The following CFAP20DC variants were observed in gnomAD, a reference collection of about 807,000 sequenced individuals.
The protein encoded by CFAP20DC is protein CFAP20DC.
CFAP20DC carries 84 observed loss-of-function variants against 101.7 expected under a neutral mutation model. That is an observed-to-expected ratio of 0.83 (90% CI 0.69 to 0.99). The LOEUF is 0.99. CFAP20DC is among the 50% of genes least tolerant of loss of function. CFAP20DC has a pLI of 0.00. For missense variants in CFAP20DC, 1,007 were observed against 970.3 expected (o/e 1.04, Z -0.50); for synonymous variants, 359 against 351.2 (o/e 1.02, Z -0.25).
At chr3:58,830,235 T>G (rs1416869563) in intron 14 of CFAP20DC, among the ~76,000 whole-genome samples, 3 of 152,132 alleles carry the variant, frequency 2.0e-5, no homozygotes, top group Non-Finnish European at 4.4e-5. Context: ...GGAATTCTTC[T>G]CCATGAAGAC....
chr3:58,751,868 A>ACACACAC (rs1559541321), intron 16 of CFAP20DC, among the ~76,000 whole-genome samples: 13 of 125,564 alleles, frequency 1.0e-4, no homozygotes, highest in African/African-American at 4.5e-4. Flanking sequence ...CACACACACA[A>ACACACAC]AATTTCCTCC....
chr3:58,720,162 T>A (rs886698404), intron 3 of CFAP20DC, among the ~76,000 whole-genome samples: 1 of 152,222 alleles, frequency 6.6e-6, no homozygotes, highest in African/African-American at 2.4e-5. Flanking sequence ...CACGTGTTTA[T>A]TGGATTCCCC....
At position 58,953,023 on chromosome 3, in the gene CFAP20DC, A is replaced by C. The variant is rs1474677292; in HGVS notation, c.279-15261T>G. Among the ~76,000 whole-genome samples the C allele has an allele frequency of 4.6e-5, 7 of 152,184 alleles. No homozygotes were observed. The South Asian group carries it at 6.2e-4, about 13-fold the overall frequency. ...GTCCACATATAGTATGTCAATTCCC[A>C]ATAAGGACTATGGAATAAAAATAAA... On this transcript the variant is annotated intron_variant, in intron 4 of 16. Coordinates refer to ENST00000482387, the MANE Select transcript of CFAP20DC (RefSeq NM_001394063.1).
At chr3:59,023,032 C>T (rs1021168905) in intron 4 of CFAP20DC, among the ~76,000 whole-genome samples, 1 of 152,098 alleles carries the variant, frequency 6.6e-6, no homozygotes, top group African/African-American at 2.4e-5. Context: ...AAATGCACTT[C>T]ATACATGGCA....
Position 58,914,663 on chromosome 3 carries a change from G to T in CFAP20DC, c.394-799C>A, listed in dbSNP as rs2084489418. Among the ~76,000 whole-genome samples the T allele has an allele frequency of 1.3e-5, 2 of 149,074 alleles. No individual in the cohort carries two copies. The highest frequency in any genetic ancestry group is 1.9e-4 in the East Asian group (1 of 5,134). On this transcript the variant is annotated intron_variant, in intron 5 of 16. Coordinates refer to ENST00000482387, the MANE Select transcript of CFAP20DC (RefSeq NM_001394063.1). The surrounding 1 kb of genome is among the most constrained non-coding windows in gnomAD (Gnocchi z 4.9). ...TGTTTAGAAGCAAGGTTTACATAAG[G>T]TCCTGTATATATAAATATATATATA...
At chr3:58,893,281 C>T (rs2082401270) in intron 6 of CFAP20DC, among the ~76,000 whole-genome samples, 1 of 152,072 alleles carries the variant, frequency 6.6e-6, no homozygotes, top group South Asian at 2.1e-4. Context: ...CCTGACCTCG[C>T]AATCTGCCTG....
chr3:58,783,998 C>A (rs1303108895), intron 15 of CFAP20DC, among the ~76,000 whole-genome samples: 2 of 151,760 alleles, frequency 1.3e-5, no homozygotes, highest in African/African-American at 4.8e-5. Flanking sequence ...ACCCTTGCCT[C>A]CTTCCCTCCC....
chr3:58,893,116 T>C (rs1041665857), intron 6 of CFAP20DC, among the ~76,000 whole-genome samples: 1 of 151,022 alleles, frequency 6.6e-6, no homozygotes, highest in Non-Finnish European at 1.5e-5. Flanking sequence ...CAATCTCAGC[T>C]CACTGCAATC....
chr3:58,820,502 GACAA>G lies in CFAP20DC; in HGVS notation c.2175+11180_2175+11183del, dbSNP rs1225991576. 3.3e-5 allele frequency among the ~76,000 whole-genome samples: 5 copies of G among 150,228 alleles called. No individual in the cohort carries two copies. In the South Asian group the frequency reaches 6.3e-4, roughly 19 times the overall value. On this transcript the variant is annotated intron_variant, in intron 14 of 16. Transcript: ENST00000482387. ...CAAGCATTCTGATACACCAACAACA[GACAA>G]ACAGAGAGCCAAATCATGAGTGAAC... is the stretch of plus-strand genomic sequence containing the variant.
Position 59,014,520 on chromosome 3 carries a change from A to T in CFAP20DC, c.278+25037T>A, listed in dbSNP as rs2093650893. 1.3e-5 allele frequency among the ~76,000 whole-genome samples: 2 copies of T among 152,192 alleles called. No homozygotes were observed. ...AGTAAAAAGAGGGTAACAGTTGAAAAGCCTGAATTTTTCTGACAGTACTTG... is the reference window on the plus strand; with the variant it reads ...AGTAAAAAGAGGGTAACAGTTGAAATGCCTGAATTTTTCTGACAGTACTTG... On this transcript the variant is annotated intron_variant, in intron 4 of 16. Transcript: ENST00000482387. This position sits in a 1 kb window ranked among gnomAD's most constrained non-coding sequence, Gnocchi z 4.9.
chr3:58,909,367 T>C (rs1018128928), intron 6 of CFAP20DC, among the ~76,000 whole-genome samples: 1 of 152,198 alleles, frequency 6.6e-6, no homozygotes, highest in Non-Finnish European at 1.5e-5. Context: ...AGCTACATGA[T>C]ATATTACGAT....
At chr3:58,770,823 T>A (rs1328148638) in intron 15 of CFAP20DC, among the ~76,000 whole-genome samples, 1 of 152,130 alleles carries the variant, frequency 6.6e-6, no homozygotes, top group African/African-American at 2.4e-5. Flanking sequence ...TAGTGGAGAA[T>A]AAGATAGGGA....
Position 58,761,836 on chromosome 3 carries a change from G to A in CFAP20DC, c.2238-7973C>T, listed in dbSNP as rs559230231. 2.1e-3 allele frequency among the ~76,000 whole-genome samples: 317 copies of A among 152,284 alleles called. 3 individuals carry two copies. The highest frequency in any genetic ancestry group is 7.4e-3 in the African/African-American group (308 of 41,546). The stretch of plus-strand genomic sequence containing the variant: ...GAGCAGGTTGTTCAGTTTCCATGTA[G>A]TTGAGCGGTTTTGAGTGAGTTTCTT... On this transcript the variant is annotated intron_variant, in intron 15 of 16. Transcript: ENST00000482387.
In CFAP20DC at chr3:58,831,540, A is replaced by G. The variant is rs953962988; in HGVS notation, c.2175+146T>C. ...TCTTCTAATTTCTGTCCTTTCTCAA[A>G]CACTATTTCAGAATGGACTCTGATT... On this transcript the variant is annotated intron_variant, in intron 14 of 16. Coordinates refer to ENST00000482387, the MANE Select transcript of CFAP20DC (RefSeq NM_001394063.1). The G allele has an allele frequency of 2.3e-5, 15 of 648,782 alleles. No homozygotes were observed. The Admixed American group carries it at 3.2e-4, about 14-fold the overall frequency. 40.2% of individuals were successfully genotyped at this position (648,782 alleles called of 1,614,324 possible).
intron 15 of CFAP20DC, among the ~76,000 whole-genome samples, chr3:58,762,072 G>T (rs898336392): frequency 2.6e-5 from 4 of 152,178 alleles, no homozygotes; most frequent in African/African-American, 9.7e-5. Flanking sequence ...GCAGAGCTGA[G>T]TTCAATTCCT....
intron 4 of CFAP20DC, among the ~76,000 whole-genome samples, chr3:58,996,332 T>G (rs968187040): frequency 6.6e-6 from 1 of 152,230 alleles, no homozygotes; most frequent in African/African-American, 2.4e-5. Flanking sequence ...AAGCCCATTC[T>G]AGGCTTCACG....
At chr3:58,742,617 C>T in intron 16 of CFAP20DC, 45 bp from the exon 17 acceptor site, 1 of 1,450,228 alleles carries the variant, frequency 6.9e-7, no homozygotes, top group Non-Finnish European at 9.5e-7. Context: ...TTGGCTTGGC[C>T]CGGAATCCCC....
At chr3:58,796,552 G>A (rs2073257594) in intron 15 of CFAP20DC, among the ~76,000 whole-genome samples, 1 of 152,156 alleles carries the variant, frequency 6.6e-6, no homozygotes, top group Admixed American at 6.5e-5. Flanking sequence ...AGGTAGAGCA[G>A]TTGACTAAGG....
At chr3:58,782,727 A>C (rs1014223918) in intron 15 of CFAP20DC, among the ~76,000 whole-genome samples, 1 of 152,056 alleles carries the variant, frequency 6.6e-6, no homozygotes, top group African/African-American at 2.4e-5. Context: ...AATTTCCATA[A>C]GGAAAACTAC....
Sources: allele counts gnomAD v4.1 joint callset (sites outside exome capture counted in the v4.1 genomes callset), GRCh38; gene constraint gnomAD v4.1.1; non-coding constraint Gnocchi (gnomAD v3.1); transcripts MANE v1.5; gene names NCBI Gene and HGNC (gene_info 2026-07-23, HGNC 2026-07-21).